Variants in JAK2 observed in about 807,000 individuals in gnomAD.
JAK2 encodes the protein Janus kinase 2.
Under a neutral mutation model 139.3 loss-of-function variants are expected in JAK2, and 86 were observed. That is an observed-to-expected ratio of 0.62 (90% CI 0.52 to 0.74). The LOEUF is 0.74. JAK2 is among the 30% of genes least tolerant of loss of function. The pLI is 0.00. For synonymous variants in JAK2, 490 were observed against 437.7 expected (o/e 1.12, Z -1.49); for missense variants, 1,421 against 1,360.3 (o/e 1.04, Z -0.70).
At chr9:5,124,876 T>C (rs903347600) in intron 23 of JAK2, among the ~76,000 whole-genome samples, 5 of 151,588 alleles carry the variant, frequency 3.3e-5, no homozygotes, top group South Asian at 2.1e-4. Context: ...AGAGCTTTTA[T>C]TGCTTATTTT....
At chr9:5,075,806 A>G (rs909448060) in intron 14 of JAK2, among the ~76,000 whole-genome samples, 4 of 152,212 alleles carry the variant, frequency 2.6e-5, no homozygotes, top group Admixed American at 2.6e-4. Context: ...TTGTAAGGCT[A>G]AGCTGCCATA....
chr9:5,043,765 A>T (rs879365410), intron 4 of JAK2, among the ~76,000 whole-genome samples: 1 of 152,268 alleles, frequency 6.6e-6, no homozygotes, highest in Non-Finnish European at 1.5e-5. Context: ...TAATTTGGCA[A>T]TAAAAGGAAA....
Position 5,069,219 on chromosome 9 carries a change from T to C in JAK2, c.1513+11T>C. ...CCCCAAAGCCAAAAGGTAAGATAAT[T>C]TTCTAGTTATTTTTAAATTACTGGT... is the stretch of plus-strand genomic sequence containing the variant. On this transcript the variant is annotated intron_variant, in intron 11 of 24. Transcript: ENST00000381652. 6.4e-7 allele frequency: 1 copy of C among 1,567,888 alleles called. No individual in the cohort carries two copies. The highest frequency in any genetic ancestry group is 8.7e-7 in the Non-Finnish European group (1 of 1,149,456).
rs199577021 is a variant in JAK2 at position 5,069,132 on chromosome 9, T to A, written c.1437T>A (p.Asn479Lys). The A allele has an allele frequency of 6.2e-7, 1 of 1,613,234 alleles. No individual in the cohort carries two copies. Among genetic ancestry groups the A allele is most frequent in the Non-Finnish European group, 8.5e-7 (1 of 1,179,384 alleles). ...TCAGCAGTCTTAAAGATCTTTTGAA[T>A]TGTTACCAGATGGAAACTGTTCGCT... is the stretch of plus-strand genomic sequence containing the variant. ...KNFSSLKDLL[N>K]CYQMETVRSD... is the part of the protein sequence containing the mutation. Residue 479 changes from asparagine (N) to lysine (K), a missense_variant, in exon 11 of 25, where the codon AAT (asparagine) becomes AAA (lysine). Physicochemically the swap from Asn to Lys is moderately conservative, Grantham distance 94. Coordinates refer to ENST00000381652, the MANE Select transcript of JAK2 (RefSeq NM_004972.4).
intron 22 of JAK2, among the ~76,000 whole-genome samples, chr9:5,122,413 C>G (rs960857016): frequency 6.6e-6 from 1 of 152,038 alleles, no homozygotes; most frequent in East Asian, 1.9e-4. Context: ...GCCTTGGAAC[C>G]AATTTTTTTC....
chr9:5,112,913 A>C (rs1822759222), intron 22 of JAK2: 1 of 282,488 alleles, frequency 3.5e-6, no homozygotes, highest in East Asian at 7.4e-5. Context: ...CAGAACGCCC[A>C]CTTGAGGCCC....
rs568756327 is a variant in JAK2, at chr9:5,089,431, G to C, written c.2572-243G>C. ...CGGGCGCCTGTATTCCCAGCTACTGGGGAGGCTGAGGCAGGAGAATGGTGT... is the reference window on the plus strand; with the variant it reads ...CGGGCGCCTGTATTCCCAGCTACTGCGGAGGCTGAGGCAGGAGAATGGTGT... On this transcript the variant is annotated intron_variant, in intron 19 of 24. Transcript: ENST00000381652. Among the ~76,000 whole-genome samples the C allele has an allele frequency of 4.1e-4, 62 of 151,526 alleles. 1 individual carries two copies. Among genetic ancestry groups the C allele is most frequent in the East Asian group, 1.9e-4 (1 of 5,134 alleles).
At chr9:5,062,030 A>G (rs1204408291) in intron 8 of JAK2, among the ~76,000 whole-genome samples, 2 of 152,154 alleles carry the variant, frequency 1.3e-5, no homozygotes, top group African/African-American at 2.4e-5. Flanking sequence ...TTATCACTTA[A>G]GTTCACCATC....
intron 10 of JAK2, among the ~76,000 whole-genome samples, chr9:5,068,414 G>A (rs866235782): frequency 2.6e-5 from 4 of 152,190 alleles, no homozygotes; most frequent in African/African-American, 7.2e-5. Flanking sequence ...CAGTGGAATG[G>A]CTGTATGTTC....
In JAK2 at chr9:5,126,675, C is replaced by T; in HGVS notation, c.3292-9C>T. On this transcript the variant is annotated splice_polypyrimidine_tract_variant and intron_variant, in intron 24 of 24. Coordinates refer to ENST00000381652, the MANE Select transcript of JAK2 (RefSeq NM_004972.4). The stretch of plus-strand genomic sequence containing the variant: ...TTCATTTAATTTTGGTTTATTTTCT[C>T]CTTTACAGATCTATATGATCATGAC... 4.4e-6 allele frequency: 7 copies of T among 1,583,994 alleles called. No homozygotes were observed. In the South Asian group the frequency reaches 8.0e-5, roughly 18 times the overall value.
At chr9:5,085,615 C>G in intron 19 of JAK2, 1 of 702,736 alleles carries the variant, frequency 1.4e-6, no homozygotes, top group East Asian at 2.5e-5. Flanking sequence ...AATTAAATCT[C>G]CAGCAAGGAC....
intron 6 of JAK2, among the ~76,000 whole-genome samples, chr9:5,053,117 T>C (rs1178485571): frequency 7.2e-5 from 11 of 152,124 alleles, no homozygotes; most frequent in Non-Finnish European, 1.6e-4. Flanking sequence ...TAGCAGTACA[T>C]GAAGAGTTCC....
intron 3 of JAK2, among the ~76,000 whole-genome samples, chr9:5,024,341 T>G (rs1391012992): frequency 1.3e-5 from 2 of 152,186 alleles, no homozygotes; most frequent in African/African-American, 4.8e-5. Context: ...TTTGACAGAT[T>G]TTATTGAATT....
At chr9:5,112,689 AT>A (rs1822721702) in intron 22 of JAK2, 4 of 917,408 alleles carry the variant, frequency 4.4e-6, no homozygotes, top group Non-Finnish European at 6.2e-6. Flanking sequence ...GTCATCCTGA[AT>A]TTGGAGCAGC....
chr9:5,053,724 T>C (rs374079115), intron 6 of JAK2, among the ~76,000 whole-genome samples: 36 of 151,924 alleles, frequency 2.4e-4, no homozygotes, highest in African/African-American at 8.4e-4. Flanking sequence ...GATTAAGAGA[T>C]TTTACATTTT....
At chr9:5,122,616 C>G (rs1823700314) in intron 22 of JAK2, among the ~76,000 whole-genome samples, 1 of 152,048 alleles carries the variant, frequency 6.6e-6, no homozygotes, top group African/African-American at 2.4e-5. Flanking sequence ...GCTAGGAAGA[C>G]TCACAGGACT....
intron 4 of JAK2, among the ~76,000 whole-genome samples, chr9:5,038,993 G>A (rs912979633): frequency 1.3e-5 from 2 of 152,006 alleles, no homozygotes; most frequent in African/African-American, 2.4e-5. Flanking sequence ...AATAGGAATG[G>A]CAAGGAACTT....
intron 22 of JAK2, chr9:5,112,235 G>C (rs1169404929): frequency 3.4e-5 from 9 of 264,846 alleles, no homozygotes; most frequent in Non-Finnish European, 6.1e-5. Context: ...CGCAGGCCTG[G>C]TTGGAGGCGA....
intron 8 of JAK2, among the ~76,000 whole-genome samples, chr9:5,057,800 C>T (rs973629937): frequency 2.6e-5 from 4 of 152,040 alleles, no homozygotes; most frequent in Non-Finnish European, 4.4e-5. Context: ...CCAGGTTGGT[C>T]TTGAAGTCCT....
Sources: allele counts gnomAD v4.1 joint callset (sites outside exome capture counted in the v4.1 genomes callset), GRCh38; gene constraint gnomAD v4.1.1; transcripts MANE v1.5; gene names NCBI Gene and HGNC (gene_info 2026-07-23, HGNC 2026-07-21).